Variants in RAF1 observed in about 807,000 individuals in gnomAD.
RAF1 encodes RAF proto-oncogene serine/threonine-protein kinase.
A neutral mutation model predicts 81.1 loss-of-function variants in RAF1; 27 were observed. The ratio of observed to expected loss-of-function variants is 0.33; its 90% CI spans 0.25 to 0.46. RAF1 has a LOEUF of 0.46. Among genes scored for constraint, RAF1 ranks in the 20% least tolerant of loss-of-function variants. The pLI, the probability that RAF1 is intolerant of heterozygous loss-of-function variation, is 1.00. For synonymous variants in RAF1, 298 were observed against 294.0 expected, an observed-to-expected ratio of 1.01 and a Z score of -0.14; for missense variants, 598 against 826.0, an observed-to-expected ratio of 0.72 and a Z score of 3.38.
chr3:12,596,831 A>C (rs1297237426), intron 11 of RAF1, among the ~76,000 whole-genome samples: 3 of 152,174 alleles, frequency 2.0e-5, no homozygotes, highest in Non-Finnish European at 2.9e-5. Flanking sequence ...GCTTTCTGAA[A>C]GCATGGCATA....
chr3:12,619,110 T>C (rs535477020), intron 1 of RAF1, among the ~76,000 whole-genome samples: 1 of 151,784 alleles, frequency 6.6e-6, no homozygotes, highest in Non-Finnish European at 1.5e-5. Context: ...CCGGGCGTGG[T>C]GGCGGGCGCC....
rs1287182898 is a variant in RAF1, at chr3:12,640,331, C to G, written c.-26-21584G>C. ...GGGCAAGGACTTCATGACTAAAACACCGAAAGCAAGGGCAACAAAAGCCCA... is the reference window on the plus strand; with the variant it reads ...GGGCAAGGACTTCATGACTAAAACAGCGAAAGCAAGGGCAACAAAAGCCCA... On this transcript the variant is annotated intron_variant, in intron 1 of 17. Coordinates refer to ENST00000442415, the MANE Select transcript of RAF1 (RefSeq NM_001354689.3). Among the ~76,000 whole-genome samples, 92 of 152,276 alleles carry G rather than the reference C, an allele frequency of 6.0e-4. 1 individual carries two copies. The highest frequency in any genetic ancestry group is 5.1e-3 in the Admixed American group (78 of 15,282).
At chr3:12,641,261 T>C (rs2060175915) in intron 1 of RAF1, among the ~76,000 whole-genome samples, 1 of 151,166 alleles carries the variant, frequency 6.6e-6, no homozygotes, top group Admixed American at 6.6e-5. Flanking sequence ...ACACCTAAAG[T>C]GAACAATGAG....
At chr3:12,597,300 C>A (rs888030670) in intron 11 of RAF1, among the ~76,000 whole-genome samples, 1 of 152,182 alleles carries the variant, frequency 6.6e-6, no homozygotes, top group African/African-American at 2.4e-5. Context: ...TGAAAGCTCA[C>A]TCTATTGAGA....
chr3:12,612,184 G>C lies in RAF1; in HGVS notation c.208-122C>G, dbSNP rs924104617. On this transcript the variant is annotated intron_variant, in intron 2 of 17. Transcript: ENST00000442415. ...ATGGCCCACGCACACACACATATACGAAACAACCTGAATGTCCAGCAATAG... is the reference window on the plus strand; with the variant it reads ...ATGGCCCACGCACACACACATATACCAAACAACCTGAATGTCCAGCAATAG... 8 of 743,728 alleles carry C rather than the reference G, an allele frequency of 1.1e-5. 1 individual carries two copies. The highest frequency in any genetic ancestry group is 2.0e-5 in the Admixed American group (1 of 50,454). The allele number at this position is 743,728 out of a possible 1,614,324, so 46.1% of individuals were successfully genotyped here. A position where few individuals can be genotyped will look rare whatever the true frequency, so the allele number is the denominator to read the frequency against.
chr3:12,591,709 G>A lies in RAF1; in HGVS notation c.1252C>T (p.Arg418Cys), dbSNP rs2058519735. The A allele has an allele frequency of 3.7e-6, 6 of 1,613,754 alleles. No homozygotes were observed. The highest frequency in any genetic ancestry group is 5.1e-6 in the Non-Finnish European group (6 of 1,179,694). Residue 418 changes from arginine (R) to cysteine (C), a missense_variant and splice_region_variant, in exon 12 of 18, where the codon CGC becomes TGC. Coordinates refer to ENST00000442415, the MANE Select transcript of RAF1 (RefSeq NM_001354689.3). ...CTGGACCGCCAGCTTTCTACTCACC[G>A]CAGAACAGCCACCTCATTCCTGAAG...
In RAF1 at chr3:12,629,993, G is replaced by A. The variant is rs544561212; in HGVS notation, c.-26-11246C>T. Among the ~76,000 whole-genome samples the A allele has an allele frequency of 4.6e-5, 7 of 152,256 alleles. No homozygotes were observed. The East Asian group carries it at 5.8e-4, about 13-fold the overall frequency. On this transcript the variant is annotated intron_variant, in intron 1 of 17. Transcript: ENST00000442415. ...GACGAAGTCTCACTATCTTGCCCAG[G>A]CTGGTGTTGAACTCCTGGCCTCAAG...
At chr3:12,642,956 T>C (rs748833587) in intron 1 of RAF1, among the ~76,000 whole-genome samples, 2 of 151,182 alleles carry the variant, frequency 1.3e-5, no homozygotes, top group Non-Finnish European at 2.9e-5. Context: ...GCACCAAATA[T>C]AGCCAAAGAG....
At chr3:12,637,116 C>T (rs938200531) in intron 1 of RAF1, among the ~76,000 whole-genome samples, 2 of 152,064 alleles carry the variant, frequency 1.3e-5, no homozygotes, top group Non-Finnish European at 2.9e-5. Context: ...TGTGTACCTC[C>T]GCTAGTAAAA....
chr3:12,598,725 C>CCAAAAAAAAAAAA (rs2058759095), intron 11 of RAF1, among the ~76,000 whole-genome samples: 1 of 61,968 alleles, frequency 1.6e-5, no homozygotes, highest in Non-Finnish European at 3.1e-5. Context: ...GAATCTATCT[C>CCAAAAAAAAAAAA]AAAAAAAAAA....
chr3:12,643,484 TA>T (rs1191718975), intron 1 of RAF1, among the ~76,000 whole-genome samples: 1 of 152,172 alleles, frequency 6.6e-6, no homozygotes, highest in African/African-American at 2.4e-5. Context: ...CTCACACCTG[TA>T]ATCCCAGCAC....
At chr3:12,639,914 A>T (rs1201534697) in intron 1 of RAF1, among the ~76,000 whole-genome samples, 1 of 152,210 alleles carries the variant, frequency 6.6e-6, no homozygotes, top group Non-Finnish European at 1.5e-5. Flanking sequence ...TTGCCAAGAC[A>T]ATCCTAAGCA....
chr3:12,633,776 A>T (rs1225361292), intron 1 of RAF1, among the ~76,000 whole-genome samples: 1 of 151,866 alleles, frequency 6.6e-6, no homozygotes, highest in African/African-American at 2.4e-5. Context: ...TCTACTAAAA[A>T]ATACAAAAAT....
intron 1 of RAF1, among the ~76,000 whole-genome samples, chr3:12,620,794 A>G (rs1300866204): frequency 5.9e-5 from 9 of 152,108 alleles, no homozygotes. Flanking sequence ...TGGACACAGA[A>G]GTCATGCTAC....
At position 12,634,599 on chromosome 3, in the gene RAF1, G is replaced by A. The variant is rs575973974; in HGVS notation, c.-26-15852C>T. Among the ~76,000 whole-genome samples, 18 of 152,204 alleles carry A rather than the reference G, an allele frequency of 1.2e-4. No homozygotes were observed. In the East Asian group the frequency reaches 2.7e-3, roughly 23 times the overall value. ...AATCCCTGGGTGACAACTGTGCACCGGATACAAGAATCCACAATTATGTGA... is the reference window on the plus strand; with the variant it reads ...AATCCCTGGGTGACAACTGTGCACCAGATACAAGAATCCACAATTATGTGA... On this transcript the variant is annotated intron_variant, in intron 1 of 17. Coordinates refer to ENST00000442415, the MANE Select transcript of RAF1 (RefSeq NM_001354689.3).
Position 12,604,207 on chromosome 3 carries a change from G to A in RAF1, c.763C>T (p.Gln255Ter), listed in dbSNP as rs2125397834. The change falls in exon 7 of 18, where the codon CAG (glutamine) becomes TAG (stop). Residue 255 changes from glutamine (Q) to a stop codon, truncating the protein, a stop_gained. Transcript: ENST00000442415. LOFTEE classifies it high-confidence loss of function. The stretch of plus-strand genomic sequence containing the variant: ...ACATTAGGTGTGGATGTCGACCTCT[G>A]CCTCTGGGAGAGGGAACCTTCAGAT... 6.2e-7 allele frequency: 1 copy of A among 1,614,128 alleles called. No homozygotes were observed. Among genetic ancestry groups the A allele is most frequent in the Non-Finnish European group, 8.5e-7 (1 of 1,179,984 alleles).
intron 1 of RAF1, among the ~76,000 whole-genome samples, chr3:12,636,291 AAC>A (rs1491457453): frequency 7.2e-6 from 1 of 138,830 alleles, no homozygotes; most frequent in East Asian, 2.5e-4. Context: ...ATTTCAAAAA[AAC>A]AAAAAAAAAA....
chr3:12,626,164 T>C (rs2059695339), intron 1 of RAF1, among the ~76,000 whole-genome samples: 1 of 147,454 alleles, frequency 6.8e-6, no homozygotes. Flanking sequence ...CAATCCCAGC[T>C]ACTCAAGAGG....
chr3:12,641,009 T>C (rs1327440815), intron 1 of RAF1, among the ~76,000 whole-genome samples: 3 of 152,064 alleles, frequency 2.0e-5, no homozygotes, highest in Admixed American at 2.0e-4. Flanking sequence ...GTGGCACATA[T>C]ACACCACGGA....
Sources: allele counts gnomAD v4.1 joint callset (sites outside exome capture counted in the v4.1 genomes callset), GRCh38; gene constraint gnomAD v4.1.1; transcripts MANE v1.5; gene names NCBI Gene and HGNC (gene_info 2026-07-23, HGNC 2026-07-21).